Variants in SGCZ observed in about 807,000 individuals in gnomAD.
SGCZ encodes zeta-sarcoglycan.
SGCZ carries 40 observed loss-of-function variants against 41.3 expected under a neutral mutation model. The ratio of observed to expected loss-of-function variants is 0.97; its 90% CI spans 0.75 to 1.26. The LOEUF is 1.26. Among genes scored for constraint, SGCZ ranks in the 50% most tolerant of loss-of-function variants. The probability of loss-of-function intolerance (pLI) is 0.00; values close to 1 mark genes in which losing one functional copy is unlikely to be tolerated. For missense variants in SGCZ, 552 were observed against 369.8 expected, an observed-to-expected ratio of 1.49 and a Z score of -4.04; for synonymous variants, 206 against 137.5, an observed-to-expected ratio of 1.50 and a Z score of -3.49.
intron 1 of SGCZ, among the ~76,000 whole-genome samples, chr8:15,030,093 A>T (rs2130956838): frequency 6.6e-6 from 1 of 152,316 alleles, no homozygotes; most frequent in East Asian, 1.9e-4. Flanking sequence ...CATGAAAAAT[A>T]ATTACAGAAT....
intron 3 of SGCZ, among the ~76,000 whole-genome samples, chr8:14,282,682 C>G (rs1340821045): frequency 2.0e-5 from 3 of 151,990 alleles, no homozygotes; most frequent in African/African-American, 7.2e-5. Flanking sequence ...GTTGCCTGAT[C>G]CTTCCATTTC....
intron 2 of SGCZ, among the ~76,000 whole-genome samples, chr8:14,325,564 A>G (rs1802065136): frequency 6.9e-6 from 1 of 144,996 alleles, no homozygotes; most frequent in Non-Finnish European, 1.5e-5. Context: ...ATATAATCAT[A>G]ATCATATATA....
chr8:14,720,625 C>G (rs928470486), intron 1 of SGCZ, among the ~76,000 whole-genome samples: 5 of 152,002 alleles, frequency 3.3e-5, no homozygotes, highest in Admixed American at 3.3e-4. Context: ...GGCCCTCTGC[C>G]TGTTTCATAA....
intron 1 of SGCZ, among the ~76,000 whole-genome samples, chr8:14,597,532 G>C (rs187350630): frequency 3.0e-4 from 46 of 152,202 alleles, no homozygotes; most frequent in Non-Finnish European, 4.6e-4. Flanking sequence ...GCAGTGGCAG[G>C]ATCTTGGCTC....
At chr8:14,976,391 A>T (rs921593840) in intron 1 of SGCZ, among the ~76,000 whole-genome samples, 1 of 152,188 alleles carries the variant, frequency 6.6e-6, no homozygotes, top group African/African-American at 2.4e-5. Context: ...TGATAAATCT[A>T]AATGTGCAAA....
chr8:14,940,172 G>T (rs1800223104), intron 1 of SGCZ, among the ~76,000 whole-genome samples: 1 of 152,040 alleles, frequency 6.6e-6, no homozygotes. Context: ...AACAACCCAA[G>T]TTCTTCAGAT....
chr8:14,768,930 G>C (rs1563256822), intron 1 of SGCZ, among the ~76,000 whole-genome samples: 1 of 151,930 alleles, frequency 6.6e-6, no homozygotes, highest in Non-Finnish European at 1.5e-5. Flanking sequence ...AATGGAACTG[G>C]CAGCATTATA....
chr8:14,594,236 A>C (rs899024028), intron 1 of SGCZ, among the ~76,000 whole-genome samples: 10 of 151,352 alleles, frequency 6.6e-5, no homozygotes, highest in Admixed American at 4.0e-4. Flanking sequence ...AAAATAAAAC[A>C]AAATACAAAT....
chr8:14,495,442 A>G (rs1801961537), intron 2 of SGCZ, among the ~76,000 whole-genome samples: 2 of 152,202 alleles, frequency 1.3e-5, no homozygotes. Flanking sequence ...TGAAAAATCA[A>G]ATAGAATTAT....
At position 14,087,981 on chromosome 8, in the gene SGCZ, T is replaced by G. The variant is rs916687058; in HGVS notation, c.*2462A>C. On this transcript the variant is annotated 3_prime_UTR_variant, in exon 8 of 8. Transcript: ENST00000382080. ...TAAAGCTCTCAAGCTTGTAAGTTAC[T>G]TTTGAATTATGTCTATACTTCTCAG... Among the ~76,000 whole-genome samples, 2 of 151,842 alleles carry G rather than the reference T, an allele frequency of 1.3e-5. No homozygotes were observed. Among genetic ancestry groups the G allele is most frequent in the African/African-American group, 2.4e-5 (1 of 41,406 alleles).
intron 2 of SGCZ, among the ~76,000 whole-genome samples, chr8:14,327,138 A>T: frequency 6.6e-6 from 1 of 152,196 alleles, no homozygotes; most frequent in East Asian, 1.9e-4. Context: ...AGGTCAATGG[A>T]TGTTAAGAAA....
intron 2 of SGCZ, among the ~76,000 whole-genome samples, chr8:14,361,745 TGGA>T (rs1275719533): frequency 6.6e-6 from 1 of 152,236 alleles, no homozygotes; most frequent in Non-Finnish European, 1.5e-5. Flanking sequence ...TGTGTTCCTT[TGGA>T]GGAGAAGAGG....
intron 1 of SGCZ, among the ~76,000 whole-genome samples, chr8:15,140,454 T>G (rs2116995097): frequency 6.6e-6 from 1 of 152,310 alleles, no homozygotes; most frequent in South Asian, 2.1e-4. Context: ...AATATCCTCA[T>G]TTATAGAAAG....
chr8:15,085,844 T>C (rs1297295118), intron 1 of SGCZ, among the ~76,000 whole-genome samples: 1 of 152,178 alleles, frequency 6.6e-6, no homozygotes, highest in African/African-American at 2.4e-5. Flanking sequence ...GTCATTCTTG[T>C]CTGCATACCC....
At chr8:14,882,853 A>T (rs188436440) in intron 1 of SGCZ, among the ~76,000 whole-genome samples, 1 of 152,188 alleles carries the variant, frequency 6.6e-6, no homozygotes, top group East Asian at 1.9e-4. Flanking sequence ...CTGACTCCAA[A>T]TGTGACTTTG....
At chr8:15,028,851 G>A (rs970658755) in intron 1 of SGCZ, among the ~76,000 whole-genome samples, 1 of 151,910 alleles carries the variant, frequency 6.6e-6, no homozygotes, top group Non-Finnish European at 1.5e-5. Flanking sequence ...GGTGTTTACA[G>A]GTCTGTAAAT....
chr8:15,140,959 T>A (rs75617462), intron 1 of SGCZ, among the ~76,000 whole-genome samples: 4,779 of 152,344 alleles, frequency 0.031, 108 homozygotes, highest in African/African-American at 0.071. Context: ...AACTATTATA[T>A]GTCAAGGATT....
At chr8:14,202,899 C>T (rs1210010941) in intron 4 of SGCZ, among the ~76,000 whole-genome samples, 1 of 152,134 alleles carries the variant, frequency 6.6e-6, no homozygotes, top group Non-Finnish European at 1.5e-5. Flanking sequence ...CGACAATTCC[C>T]ACATCTTGTG....
At chr8:14,161,756 A>G (rs1422958720) in intron 5 of SGCZ, among the ~76,000 whole-genome samples, 1 of 152,220 alleles carries the variant, frequency 6.6e-6, no homozygotes, top group East Asian at 1.9e-4. Context: ...TCAATCGAGA[A>G]CATTATAAAG....
Sources: allele counts gnomAD v4.1 joint callset (sites outside exome capture counted in the v4.1 genomes callset), GRCh38; gene constraint gnomAD v4.1.1; transcripts MANE v1.5; gene names NCBI Gene and HGNC (gene_info 2026-07-23, HGNC 2026-07-21).